The following WSCD2 variants were observed in gnomAD, a reference collection of about 807,000 sequenced individuals.
WSCD2 encodes sialate:O-sulfotransferase 2.
A neutral mutation model predicts 55.7 loss-of-function variants in WSCD2; 28 were observed. The observed-to-expected ratio is 0.50, with a 90% CI of 0.37 to 0.69. The LOEUF (loss-of-function observed/expected upper bound fraction) is 0.69, where lower values mean the gene tolerates loss of function less well. WSCD2 is among the 30% of genes least tolerant of loss of function. WSCD2 has a pLI of 0.00. For synonymous variants in WSCD2, 301 were observed against 301.9 expected (o/e 1.00, Z 0.03); for missense variants, 616 against 762.1 (o/e 0.81, Z 2.26).
intron 1 of WSCD2, among the ~76,000 whole-genome samples, chr12:108,181,417 C>G (rs1293335597): frequency 6.6e-6 from 1 of 152,112 alleles, no homozygotes; most frequent in Non-Finnish European, 1.5e-5. Context: ...ACAAGACCGC[C>G]CCAGTTCTAA....
At chr12:108,172,216 C>T (rs1880318093) in intron 1 of WSCD2, among the ~76,000 whole-genome samples, 1 of 152,208 alleles carries the variant, frequency 6.6e-6, no homozygotes, top group African/African-American at 2.4e-5. Flanking sequence ...CAAGGTCACA[C>T]AGCAAGTAGG....
intron 1 of WSCD2, among the ~76,000 whole-genome samples, chr12:108,145,296 C>T (rs1877265651): frequency 6.6e-6 from 1 of 152,190 alleles, no homozygotes; most frequent in Admixed American, 6.5e-5. Context: ...TGGGGCTCCC[C>T]TTGGCATGTG....
intron 8 of WSCD2, among the ~76,000 whole-genome samples, chr12:108,241,526 G>A (rs1889745425): frequency 6.6e-6 from 1 of 152,184 alleles, no homozygotes; most frequent in African/African-American, 2.4e-5. Flanking sequence ...TAGGTCCAGG[G>A]AGGTTAAGGA....
At chr12:108,220,926 G>A (rs1434552980) in intron 4 of WSCD2, among the ~76,000 whole-genome samples, 5 of 152,182 alleles carry the variant, frequency 3.3e-5, no homozygotes, top group South Asian at 2.1e-4. Context: ...ACCTGGCTTC[G>A]ATCTCACTCT....
chr12:108,141,180 A>C (rs928413676), intron 1 of WSCD2, among the ~76,000 whole-genome samples: 1 of 152,210 alleles, frequency 6.6e-6, no homozygotes, highest in Non-Finnish European at 1.5e-5. Flanking sequence ...TAGTCTCCCA[A>C]GTAGCTGAGA....
intron 8 of WSCD2, among the ~76,000 whole-genome samples, chr12:108,241,664 C>G (rs1453902379): frequency 6.6e-6 from 1 of 152,164 alleles, no homozygotes; most frequent in African/African-American, 2.4e-5. Flanking sequence ...AGAAGGTATT[C>G]TTTACTTAAG....
chr12:108,220,487 A>C (rs1200144519), intron 4 of WSCD2, among the ~76,000 whole-genome samples: 3 of 152,196 alleles, frequency 2.0e-5, no homozygotes, highest in Admixed American at 6.5e-5. Context: ...ACTTCCCATC[A>C]CATACCACAC....
chr12:108,151,719 T>C (rs1878023212), intron 1 of WSCD2, among the ~76,000 whole-genome samples: 1 of 152,214 alleles, frequency 6.6e-6, no homozygotes. Flanking sequence ...ACACACTCAC[T>C]GGGGACTCCC....
intron 1 of WSCD2, among the ~76,000 whole-genome samples, chr12:108,193,524 T>C (rs1476094324): frequency 1.3e-5 from 2 of 151,952 alleles, no homozygotes; most frequent in Non-Finnish European, 2.9e-5. Context: ...GTTGGACAGA[T>C]TAATGAATAG....
intron 1 of WSCD2, among the ~76,000 whole-genome samples, chr12:108,158,511 G>A (rs1412196190): frequency 7.2e-5 from 11 of 152,096 alleles, no homozygotes; most frequent in Non-Finnish European, 1.2e-4. Flanking sequence ...GCCGGGTGGG[G>A]AGTGGCCAAA....
intron 1 of WSCD2, among the ~76,000 whole-genome samples, chr12:108,155,070 A>G (rs895710528): frequency 1.1e-4 from 17 of 152,196 alleles, no homozygotes; most frequent in Non-Finnish European, 2.5e-4. Context: ...TTGGTTCTGG[A>G]TCTGCTGTGA....
chr12:108,184,895 T>C (rs530769531), intron 1 of WSCD2, among the ~76,000 whole-genome samples: 1 of 152,268 alleles, frequency 6.6e-6, no homozygotes, highest in South Asian at 2.1e-4. Context: ...CTCCAGGCTT[T>C]CTTGTAGCTC....
intron 2 of WSCD2, among the ~76,000 whole-genome samples, chr12:108,202,108 A>C (rs1884766901): frequency 6.6e-6 from 1 of 152,194 alleles, no homozygotes; most frequent in African/African-American, 2.4e-5. Flanking sequence ...GGAACGGCTG[A>C]AGAGGATTTT....
At chr12:108,226,804 G>A (rs1280669970) in intron 5 of WSCD2, among the ~76,000 whole-genome samples, 186 bp from the exon 6 acceptor site, 1 of 152,234 alleles carries the variant, frequency 6.6e-6, no homozygotes, top group East Asian at 1.9e-4. Context: ...CAATAGTACA[G>A]TAGGTGCACA....
At chr12:108,163,538 C>T (rs372151472) in intron 1 of WSCD2, among the ~76,000 whole-genome samples, 6 of 152,142 alleles carry the variant, frequency 3.9e-5, no homozygotes, top group East Asian at 3.9e-4. Flanking sequence ...ACTTGGCAGA[C>T]GTAAATGAGT....
intron 1 of WSCD2, among the ~76,000 whole-genome samples, chr12:108,181,014 C>A (rs1233766739): frequency 6.6e-6 from 1 of 152,212 alleles, no homozygotes; most frequent in Non-Finnish European, 1.5e-5. Context: ...GCAGGGGAGT[C>A]CGGATTCAAG....
intron 1 of WSCD2, among the ~76,000 whole-genome samples, chr12:108,182,973 T>C (rs1371892667): frequency 6.6e-6 from 1 of 151,088 alleles, no homozygotes; most frequent in African/African-American, 2.4e-5. Flanking sequence ...AAAGGAGCTC[T>C]AGAATCTGGC....
chr12:108,233,490 G>C (rs533923439), intron 7 of WSCD2, among the ~76,000 whole-genome samples: 403 of 152,366 alleles, frequency 2.6e-3, no homozygotes, highest in African/African-American at 9.2e-3. Flanking sequence ...CATGTAGGTT[G>C]AGATTGCCAA....
At chr12:108,153,392 G>T (rs1878208482) in intron 1 of WSCD2, among the ~76,000 whole-genome samples, 1 of 152,226 alleles carries the variant, frequency 6.6e-6, no homozygotes, top group Non-Finnish European at 1.5e-5. Flanking sequence ...TTTAGACTCA[G>T]CCTCCACCAC....
Sources: allele counts gnomAD v4.1 joint callset (sites outside exome capture counted in the v4.1 genomes callset), GRCh38; gene constraint gnomAD v4.1.1; transcripts MANE v1.5; gene names NCBI Gene and HGNC (gene_info 2026-07-23, HGNC 2026-07-21).